Variants in CNTN3 observed in about 807,000 individuals in gnomAD.
The protein encoded by CNTN3 is contactin 3.
CNTN3 carries 60 observed loss-of-function variants against 119.1 expected under a neutral mutation model. The observed-to-expected ratio is 0.50, with a 90% CI of 0.41 to 0.62. The LOEUF is 0.62. CNTN3 is among the 20% of genes least tolerant of loss of function. CNTN3 has a pLI of 0.00. For synonymous variants in CNTN3, 450 were observed against 438.7 expected (o/e 1.03, Z -0.32); for missense variants, 1,101 against 1,242.4 (o/e 0.89, Z 1.71).
intron 1 of CNTN3, among the ~76,000 whole-genome samples, chr3:74,560,094 G>A (rs1357438049): frequency 2.0e-5 from 3 of 152,124 alleles, no homozygotes; most frequent in South Asian, 2.1e-4. Flanking sequence ...TCCTGCTCAG[G>A]CTGTGAAACG....
chr3:74,268,842 A>G (rs779218646), intron 20 of CNTN3, among the ~76,000 whole-genome samples: 9 of 152,114 alleles, frequency 5.9e-5, no homozygotes, highest in Admixed American at 1.3e-4. Context: ...GCTGAGCTAT[A>G]CTACAGCATG....
At chr3:74,517,231 A>G (rs1444963237) in intron 2 of CNTN3, among the ~76,000 whole-genome samples, 1 of 151,928 alleles carries the variant, frequency 6.6e-6, no homozygotes, top group Non-Finnish European at 1.5e-5. Flanking sequence ...CTGACTTACG[A>G]TCTGGCCTTT....
chr3:74,374,720 C>A (rs561956790), intron 5 of CNTN3, among the ~76,000 whole-genome samples: 4 of 152,144 alleles, frequency 2.6e-5, no homozygotes, highest in Non-Finnish European at 5.9e-5. Flanking sequence ...TTCACCATCT[C>A]CATGGGCCAA....
At chr3:74,510,537 C>G (rs1459937120) in intron 2 of CNTN3, among the ~76,000 whole-genome samples, 2 of 151,948 alleles carry the variant, frequency 1.3e-5, no homozygotes, top group African/African-American at 4.8e-5. Context: ...AACTAAAGTC[C>G]CTTTTCTGCA....
intron 16 of CNTN3, among the ~76,000 whole-genome samples, chr3:74,301,160 A>G (rs1702445446): frequency 6.6e-6 from 1 of 152,212 alleles, no homozygotes; most frequent in Admixed American, 6.5e-5. Flanking sequence ...ATTCACTCAC[A>G]TGCACTAATG....
chr3:74,487,621 A>G (rs1702882823), intron 3 of CNTN3, among the ~76,000 whole-genome samples: 1 of 152,198 alleles, frequency 6.6e-6, no homozygotes, highest in Non-Finnish European at 1.5e-5. Flanking sequence ...TGGGATCAGG[A>G]GTGGCACCTA....
intron 10 of CNTN3, among the ~76,000 whole-genome samples, chr3:74,363,010 G>A (rs556966452): frequency 2.0e-5 from 3 of 152,204 alleles, no homozygotes; most frequent in Middle Eastern, 3.4e-3. Flanking sequence ...TACGCACCTC[G>A]TATTTCTTCA....
chr3:74,365,888 C>T (rs746123178), intron 8 of CNTN3, among the ~76,000 whole-genome samples, 186 bp from the exon 9 acceptor site: 13 of 152,162 alleles, frequency 8.5e-5, no homozygotes, highest in East Asian at 1.9e-4. Flanking sequence ...CTGTATGAAA[C>T]GTTTCTACAT....
chr3:74,357,508 C>G (rs1472994448), intron 11 of CNTN3, among the ~76,000 whole-genome samples: 2 of 152,054 alleles, frequency 1.3e-5, no homozygotes, highest in Non-Finnish European at 2.9e-5. Flanking sequence ...GTCTTGAACT[C>G]CTGACCTCAG....
intron 2 of CNTN3, among the ~76,000 whole-genome samples, chr3:74,511,556 C>A (rs1703363681): frequency 6.6e-6 from 1 of 151,996 alleles, no homozygotes; most frequent in East Asian, 1.9e-4. Context: ...GTAGTCCCAG[C>A]TACTTGGGAG....
At chr3:74,381,773 G>A (rs1406417915) in intron 5 of CNTN3, among the ~76,000 whole-genome samples, 1 of 151,980 alleles carries the variant, frequency 6.6e-6, no homozygotes, top group Non-Finnish European at 1.5e-5. Context: ...CAGCCTTTAT[G>A]CAATTTTAAT....
chr3:74,448,386 A>G (rs1359016035), intron 4 of CNTN3, among the ~76,000 whole-genome samples: 1 of 152,174 alleles, frequency 6.6e-6, no homozygotes, highest in African/African-American at 2.4e-5. Context: ...AAAATAAAAG[A>G]GACTATGATG....
intron 1 of CNTN3, among the ~76,000 whole-genome samples, chr3:74,610,671 T>C (rs1461079688): frequency 6.6e-6 from 1 of 151,724 alleles, no homozygotes; most frequent in Non-Finnish European, 1.5e-5. Flanking sequence ...AAAAGAAGTC[T>C]TGGCTGCTAT....
chr3:74,354,691 ACTGTATAATAC>A (rs1703896755), intron 11 of CNTN3, among the ~76,000 whole-genome samples: 1 of 152,108 alleles, frequency 6.6e-6, no homozygotes, highest in South Asian at 2.1e-4. Flanking sequence ...CCAATATTGG[ACTGTATAATAC>A]CAATATAAAA....
intron 13 of CNTN3, among the ~76,000 whole-genome samples, chr3:74,311,078 T>C (rs1319917560): frequency 6.6e-6 from 1 of 152,222 alleles, no homozygotes; most frequent in African/African-American, 2.4e-5. Context: ...TATTTATTTA[T>C]TTAAAGCAAA....
At position 74,591,378 on chromosome 3, in the gene CNTN3, T is replaced by G. The variant is rs549373281; in HGVS notation, c.-81+23013A>C. ...TGCCAGGTTGGCAGTTTTTTTCTTG[T>G]GAGTGTGTTTTATTTATTTATTTTT... is the stretch of plus-strand genomic sequence containing the variant. On this transcript the variant is annotated intron_variant, in intron 1 of 22. Coordinates refer to ENST00000263665, the MANE Select transcript of CNTN3 (RefSeq NM_020872.3). Among the ~76,000 whole-genome samples, 21 of 152,066 alleles carry G rather than the reference T, an allele frequency of 1.4e-4. No homozygotes were observed. In the South Asian group the frequency reaches 4.4e-3, roughly 32 times the overall value.
chr3:74,517,710 T>C (rs1361095864), intron 2 of CNTN3, among the ~76,000 whole-genome samples: 1 of 151,840 alleles, frequency 6.6e-6, no homozygotes, highest in Non-Finnish European at 1.5e-5. Context: ...CTAGAGATCC[T>C]TCCACATCTC....
intron 1 of CNTN3, among the ~76,000 whole-genome samples, chr3:74,572,474 G>C (rs1704350073): frequency 6.6e-6 from 1 of 151,820 alleles, no homozygotes; most frequent in Non-Finnish European, 1.5e-5. Context: ...TAAAAGGGAA[G>C]AGTTCGATCT....
intron 3 of CNTN3, among the ~76,000 whole-genome samples, 165 bp downstream of exon 3, chr3:74,499,494 T>C (rs1703125175): frequency 6.6e-6 from 1 of 152,032 alleles, no homozygotes; most frequent in Non-Finnish European, 1.5e-5. Flanking sequence ...TACATATAGA[T>C]TTAAATCTTC....
Sources: gnomAD v4.1 joint callset for allele counts (sites outside exome capture counted in the v4.1 genomes callset) on GRCh38, gnomAD v4.1.1 for gene constraint, MANE v1.5 for transcripts, NCBI Gene and HGNC (gene_info 2026-07-23, HGNC 2026-07-21) for gene names.